SCN11A: variants seen among roughly 807,000 people sequenced by gnomAD.
The protein encoded by SCN11A is sodium channel protein type 11 subunit alpha.
Under a neutral mutation model 162.2 loss-of-function variants are expected in SCN11A, and 122 were observed. The ratio of observed to expected loss-of-function variants is 0.75; its 90% CI spans 0.65 to 0.87. SCN11A has a LOEUF of 0.87. SCN11A is among the 40% of genes least tolerant of loss of function. The probability of loss-of-function intolerance (pLI) is 0.00; values close to 1 mark genes in which losing one functional copy is unlikely to be tolerated. For synonymous variants in SCN11A, 758 were observed against 751.5 expected, an observed-to-expected ratio of 1.01 and a Z score of -0.14; for missense variants, 2,015 against 2,181.6, an observed-to-expected ratio of 0.92 and a Z score of 1.52.
At chr3:38,991,595 G>A (rs1333752417) in intron 2 of SCN11A, among the ~76,000 whole-genome samples, 1 of 152,156 alleles carries the variant, frequency 6.6e-6, no homozygotes, top group African/African-American at 2.4e-5. Flanking sequence ...TTGGATTTCT[G>A]ACTTTGGATA....
chr3:38,921,814 C>A (rs1216151805), intron 9 of SCN11A, among the ~76,000 whole-genome samples: 2 of 152,148 alleles, frequency 1.3e-5, no homozygotes, highest in Non-Finnish European at 2.9e-5. Flanking sequence ...TTCATTCATT[C>A]AAGAAGTATT....
intron 19 of SCN11A, among the ~76,000 whole-genome samples, chr3:38,891,557 C>T (rs1339927065): frequency 6.6e-6 from 1 of 152,076 alleles, no homozygotes; most frequent in Non-Finnish European, 1.5e-5. Flanking sequence ...AATAGAATTC[C>T]TGAAATTAGT....
intron 4 of SCN11A, among the ~76,000 whole-genome samples, chr3:38,952,233 G>A (rs1440421492): frequency 6.6e-6 from 1 of 152,056 alleles, no homozygotes; most frequent in Non-Finnish European, 1.5e-5. Flanking sequence ...CACAAAAGCA[G>A]AAAGGGTTTG....
In SCN11A at chr3:38,933,434, G is replaced by A. The variant is rs1443432597; in HGVS notation, c.489-6503C>T. ...GACGATCAAACTACTCCGAGCTACAGGAGGAAATTCAAACCAAAGGCAAAG... is the reference window on the plus strand; with the variant it reads ...GACGATCAAACTACTCCGAGCTACAAGAGGAAATTCAAACCAAAGGCAAAG... On this transcript the variant is annotated intron_variant, in intron 7 of 29. Coordinates refer to ENST00000302328, the MANE Select transcript of SCN11A (RefSeq NM_001349253.2). Among the ~76,000 whole-genome samples the A allele has an allele frequency of 3.9e-5, 6 of 152,170 alleles. No homozygotes were observed. The East Asian group carries it at 1.2e-3, about 29-fold the overall frequency.
At chr3:38,940,830 AAAT>A (rs995250440) in intron 7 of SCN11A, among the ~76,000 whole-genome samples, 4 of 152,178 alleles carry the variant, frequency 2.6e-5, no homozygotes, top group African/African-American at 9.7e-5. Flanking sequence ...GAAAAGAAAA[AAAT>A]AATAAGCAAA....
chr3:38,992,240 T>C (rs369766601), intron 2 of SCN11A, among the ~76,000 whole-genome samples: 30 of 152,360 alleles, frequency 2.0e-4, no homozygotes, highest in East Asian at 1.3e-3. Flanking sequence ...AAGCTTTTCA[T>C]TGAAGGCCTG....
chr3:38,991,266 A>C (rs113468630), intron 2 of SCN11A, among the ~76,000 whole-genome samples: 1,793 of 152,288 alleles, frequency 0.012, 34 homozygotes, highest in African/African-American at 0.04. Context: ...CAGAAGGAGA[A>C]GAAGACCAAG....
chr3:39,005,634 G>C (rs937030726), intron 2 of SCN11A, among the ~76,000 whole-genome samples: 3 of 152,112 alleles, frequency 2.0e-5, no homozygotes, highest in African/African-American at 7.2e-5. Flanking sequence ...CTGTCTTTTT[G>C]CTTCACATAA....
rs566768794 is a variant in SCN11A, at chr3:38,986,352, T to C, written c.-279-25929A>G. Among the ~76,000 whole-genome samples the C allele has an allele frequency of 5.6e-5, 8 of 142,002 alleles. No homozygotes were observed. The South Asian group carries it at 1.5e-3, about 26-fold the overall frequency. 93.2% of individuals were successfully genotyped at this position (142,002 alleles called of 152,430 possible). On this transcript the variant is annotated intron_variant, in intron 2 of 29. Coordinates refer to ENST00000302328, the MANE Select transcript of SCN11A (RefSeq NM_001349253.2). ...AGTGGAATGATCAGTTTCAGAGAGA[T>C]ACAAATGGATCAAAGGGAATGATTC...
chr3:38,981,249 G>T (rs759600684), intron 2 of SCN11A, among the ~76,000 whole-genome samples: 2 of 152,166 alleles, frequency 1.3e-5, no homozygotes, highest in African/African-American at 2.4e-5. Flanking sequence ...AGCCTTCTCT[G>T]AGTTCAGCTT....
chr3:39,029,293 A>G (rs1575365367), intron 2 of SCN11A, among the ~76,000 whole-genome samples: 1 of 152,346 alleles, frequency 6.6e-6, no homozygotes, highest in African/African-American at 2.4e-5. Flanking sequence ...GTAAAAAATT[A>G]TATCTATATA....
chr3:38,901,629 G>A (rs9839582), intron 16 of SCN11A, among the ~76,000 whole-genome samples: 90,989 of 151,978 alleles, frequency 0.6, 27,926 homozygotes, highest in South Asian at 0.67. Context: ...ACTCTACAGA[G>A]TGGCTTAATC....
At chr3:39,047,836 C>T (rs987919824) in intron 1 of SCN11A, among the ~76,000 whole-genome samples, 3 of 152,202 alleles carry the variant, frequency 2.0e-5, no homozygotes, top group African/African-American at 7.2e-5. Flanking sequence ...GATATTATCT[C>T]ACTCCAGTTA....
intron 19 of SCN11A, among the ~76,000 whole-genome samples, chr3:38,889,797 C>T (rs1342265396): frequency 1.6e-5 from 2 of 126,368 alleles, no homozygotes; most frequent in African/African-American, 5.9e-5. Context: ...GAGACTCCAT[C>T]TCAAAAAAAT....
intron 7 of SCN11A, among the ~76,000 whole-genome samples, chr3:38,938,509 CATATATATATATATATATAT>C (rs1166609754): frequency 7.5e-3 from 266 of 35,510 alleles, no homozygotes; most frequent in African/African-American, 0.016. Context: ...GGAAAAATAT[CATATATATATATATATATAT>C]ATATATATAT....
intron 2 of SCN11A, among the ~76,000 whole-genome samples, chr3:39,026,334 T>C (rs2031586906): frequency 1.3e-5 from 2 of 152,216 alleles, no homozygotes; most frequent in South Asian, 4.1e-4. Flanking sequence ...TTCACTGTTC[T>C]CTACCTGGGA....
chr3:38,886,291 A>C (rs2065399855), intron 19 of SCN11A, 53 bp from the exon 20 acceptor site: 1 of 1,175,216 alleles, frequency 8.5e-7, no homozygotes, highest in South Asian at 1.4e-5. Context: ...CATGTCACTT[A>C]AGATGAAAGA....
intron 2 of SCN11A, among the ~76,000 whole-genome samples, chr3:38,969,189 A>T (rs922384442): frequency 2.6e-5 from 4 of 152,248 alleles, no homozygotes; most frequent in African/African-American, 7.2e-5. Context: ...TAGGTGGCCA[A>T]GTCTACATGG....
intron 2 of SCN11A, among the ~76,000 whole-genome samples, chr3:39,001,940 G>A (rs932680436): frequency 3.3e-5 from 5 of 152,142 alleles, no homozygotes; most frequent in African/African-American, 1.2e-4. Context: ...AGGAGGCTGA[G>A]GCAGGAGAAT....
Sources: allele counts gnomAD v4.1 joint callset (sites outside exome capture counted in the v4.1 genomes callset), GRCh38; gene constraint gnomAD v4.1.1; transcripts MANE v1.5; gene names NCBI Gene and HGNC (gene_info 2026-07-23, HGNC 2026-07-21).